The following SYT2 variants were observed in gnomAD, a reference collection of about 807,000 sequenced individuals.
SYT2 encodes synaptotagmin-2.
Under a neutral mutation model 39.9 loss-of-function variants are expected in SYT2, and 15 were observed. The ratio of observed to expected loss-of-function variants is 0.38; its 90% CI spans 0.25 to 0.58. SYT2 has a LOEUF of 0.58. Among genes scored for constraint, SYT2 ranks in the 20% least tolerant of loss-of-function variants. The pLI, the probability that SYT2 is intolerant of heterozygous loss-of-function variation, is 0.70. For synonymous variants in SYT2, 181 were observed against 204.5 expected (o/e 0.89, Z 0.98); for missense variants, 389 against 530.3 (o/e 0.73, Z 2.62).
chr1:202,605,443 C>G (rs1572616169), intron 2 of SYT2, 152 bp downstream of exon 2: 1 of 612,272 alleles, frequency 1.6e-6, no homozygotes, highest in East Asian at 2.8e-5. Flanking sequence ...TTCCCCCTCC[C>G]CGATTCCTGC....
chr1:202,641,358 A>T (rs746737866), intron 1 of SYT2, among the ~76,000 whole-genome samples: 1 of 152,222 alleles, frequency 6.6e-6, no homozygotes, highest in African/African-American at 2.4e-5. Flanking sequence ...CCAGAACTGC[A>T]GCCACAGAAC....
chr1:202,606,813 G>A (rs963067499), intron 1 of SYT2, among the ~76,000 whole-genome samples: 8 of 151,968 alleles, frequency 5.3e-5, no homozygotes, highest in Non-Finnish European at 1.0e-4. Context: ...ACCCTCCAAA[G>A]TCAACTAGCA....
chr1:202,677,001 C>A (rs147112187), intron 1 of SYT2, among the ~76,000 whole-genome samples: 3 of 152,034 alleles, frequency 2.0e-5, no homozygotes, highest in Non-Finnish European at 2.9e-5. Flanking sequence ...GCACTTCCAC[C>A]TTTGTTCTCT....
At chr1:202,648,557 T>A (rs891851725) in intron 1 of SYT2, among the ~76,000 whole-genome samples, 1 of 152,122 alleles carries the variant, frequency 6.6e-6, no homozygotes, top group African/African-American at 2.4e-5. Flanking sequence ...ACCAGACAGT[T>A]TATATATGTT....
At chr1:202,631,040 C>T (rs1691574015) in intron 1 of SYT2, among the ~76,000 whole-genome samples, 1 of 152,196 alleles carries the variant, frequency 6.6e-6, no homozygotes, top group African/African-American at 2.4e-5. Flanking sequence ...TCTGAAGGTC[C>T]ACACATAGCA....
chr1:202,682,614 G>A (rs910902496), intron 1 of SYT2, among the ~76,000 whole-genome samples: 2 of 152,118 alleles, frequency 1.3e-5, no homozygotes, highest in African/African-American at 4.8e-5. Context: ...GGCGTGGAGT[G>A]GCAAAGCACG....
chr1:202,678,273 CAAAAAAAAAAAAA>C (rs773123862), intron 1 of SYT2, among the ~76,000 whole-genome samples: 40 of 30,726 alleles, frequency 1.3e-3, no homozygotes, highest in African/African-American at 3.8e-3. Context: ...GACTCTGTCT[CAAAAAAAAAAAAA>C]AAAAAAAAAA....
intron 1 of SYT2, among the ~76,000 whole-genome samples, chr1:202,648,125 G>T (rs1407280504): frequency 6.6e-6 from 1 of 152,206 alleles, no homozygotes; most frequent in African/African-American, 2.4e-5. Context: ...GTTAATACAT[G>T]TAAAAAACTT....
chr1:202,684,775 T>C (rs1054347968), intron 1 of SYT2, among the ~76,000 whole-genome samples: 3 of 152,154 alleles, frequency 2.0e-5, no homozygotes, highest in Non-Finnish European at 4.4e-5. Context: ...TCACTCAGCA[T>C]GTTGTGAAGC....
intron 1 of SYT2, among the ~76,000 whole-genome samples, chr1:202,696,005 CT>C (rs937532206): frequency 1.3e-5 from 2 of 152,196 alleles, no homozygotes; most frequent in African/African-American, 4.8e-5. Flanking sequence ...TTCTAAATTC[CT>C]TTCTCAGTCT....
intron 4 of SYT2, 23 bp downstream of exon 4, chr1:202,602,976 T>C: frequency 7.3e-7 from 1 of 1,375,314 alleles, no homozygotes; most frequent in South Asian, 1.2e-5. Flanking sequence ...TCCCCCACTC[T>C]GCCCCCCCAC....
At chr1:202,674,894 C>T (rs1653318993) in intron 1 of SYT2, among the ~76,000 whole-genome samples, 1 of 63,806 alleles carries the variant, frequency 1.6e-5, no homozygotes, top group South Asian at 7.1e-4. Flanking sequence ...CTGAGCACCA[C>T]CCCAATAATC....
intron 1 of SYT2, among the ~76,000 whole-genome samples, chr1:202,648,638 C>T (rs1171832683): frequency 5.3e-5 from 8 of 152,196 alleles, no homozygotes; most frequent in Non-Finnish European, 1.0e-4. Context: ...AAGGCGTCTG[C>T]TGGCATCCAT....
At chr1:202,708,034 C>T (rs1256797662) in intron 1 of SYT2, among the ~76,000 whole-genome samples, 3 of 152,300 alleles carry the variant, frequency 2.0e-5, no homozygotes, top group Admixed American at 6.5e-5. Context: ...AGGGTCTCCT[C>T]GGCCCTGCGA....
chr1:202,699,134 T>C (rs1257853656), intron 1 of SYT2, among the ~76,000 whole-genome samples: 1 of 151,504 alleles, frequency 6.6e-6, no homozygotes, highest in Non-Finnish European at 1.5e-5. Context: ...GAGATCCTCT[T>C]ACCTCAGCCT....
intron 1 of SYT2, among the ~76,000 whole-genome samples, chr1:202,619,771 C>T (rs1176152069): frequency 1.3e-5 from 2 of 152,228 alleles, no homozygotes; most frequent in East Asian, 1.9e-4. Context: ...AAAGGCACTG[C>T]AGACCTGGAG....
At chr1:202,684,880 ACCC>A (rs1047464766) in intron 1 of SYT2, among the ~76,000 whole-genome samples, 1 of 151,706 alleles carries the variant, frequency 6.6e-6, no homozygotes, top group Non-Finnish European at 1.5e-5. Context: ...CTGACACCCA[ACCC>A]CCCTCTCTGG....
chr1:202,604,208 G>C, intron 3 of SYT2: 1 of 447,852 alleles, frequency 2.2e-6, no homozygotes. Flanking sequence ...TCATTGGGGA[G>C]TCAATATATT....
intron 1 of SYT2, among the ~76,000 whole-genome samples, chr1:202,699,304 G>A (rs968853253): frequency 2.6e-5 from 4 of 152,074 alleles, no homozygotes; most frequent in Admixed American, 2.6e-4. Context: ...TTACAGGTGC[G>A]AGCCACTGCA....
Sources: allele counts gnomAD v4.1 joint callset (sites outside exome capture counted in the v4.1 genomes callset), GRCh38; gene constraint gnomAD v4.1.1; transcripts MANE v1.5; gene names NCBI Gene and HGNC (gene_info 2026-07-23, HGNC 2026-07-21).